Variants in SUPT3H observed in about 807,000 individuals in gnomAD.
SUPT3H encodes the protein SPT3 homolog, SAGA and STAGA complex component.
SUPT3H carries 44 observed loss-of-function variants against 44.3 expected under a neutral mutation model. That is an observed-to-expected ratio of 0.99 (90% confidence interval 0.78 to 1.28). The LOEUF is 1.28. Among genes scored for constraint, SUPT3H ranks in the 50% most tolerant of loss-of-function variants. The pLI is 0.00. For missense variants in SUPT3H, 380 were observed against 387.1 expected, an observed-to-expected ratio of 0.98 and a Z score of 0.15; for synonymous variants, 124 against 125.6, an observed-to-expected ratio of 0.99 and a Z score of 0.09.
intron 2 of SUPT3H, among the ~76,000 whole-genome samples, chr6:45,108,705 A>G (rs1799635169): frequency 6.6e-6 from 1 of 152,186 alleles, no homozygotes; most frequent in African/African-American, 2.4e-5. Flanking sequence ...GATAAAGTGA[A>G]TCTGCTAAGA....
intron 2 of SUPT3H, among the ~76,000 whole-genome samples, chr6:45,362,913 GAATAT>G (rs370754820): frequency 2.0e-5 from 3 of 152,084 alleles, no homozygotes; most frequent in African/African-American, 7.2e-5. Flanking sequence ...AATAACAAAA[GAATAT>G]AATACTCTAC....
intron 2 of SUPT3H, among the ~76,000 whole-genome samples, chr6:45,309,867 G>C (rs982235144): frequency 2.0e-5 from 3 of 152,150 alleles, no homozygotes; most frequent in South Asian, 4.2e-4. Context: ...GAAAAGGATG[G>C]GGAGAAAATG....
intron 2 of SUPT3H, among the ~76,000 whole-genome samples, chr6:45,151,052 G>C (rs958537383): frequency 6.6e-5 from 10 of 151,982 alleles, no homozygotes; most frequent in African/African-American, 2.4e-4. Context: ...CATTCAATGA[G>C]AGAAATAACC....
intron 10 of SUPT3H, among the ~76,000 whole-genome samples, chr6:44,885,635 C>A (rs1762132371): frequency 6.6e-6 from 1 of 152,034 alleles, no homozygotes; most frequent in Non-Finnish European, 1.5e-5. Context: ...TTATCAAAGA[C>A]CAAAAGAAGA....
rs554326156 is a variant in SUPT3H at position 45,198,700 on chromosome 6, A to G, written c.102-92694T>C. 3.3e-5 allele frequency among the ~76,000 whole-genome samples: 5 copies of G among 151,428 alleles called. No individual in the cohort carries two copies. In the East Asian group the frequency reaches 9.6e-4, roughly 29 times the overall value. Reference sequence around the variant, plus strand: ...GATCCAGGGTTATTTATAACAGGTAACATGAGTGGTTTTTGACTAAGCTGC... The same window carrying G: ...GATCCAGGGTTATTTATAACAGGTAGCATGAGTGGTTTTTGACTAAGCTGC... On this transcript the variant is annotated intron_variant, in intron 2 of 10. Coordinates refer to ENST00000371459, the MANE Select transcript of SUPT3H (RefSeq NM_003599.4).
chr6:44,880,332 T>C (rs1582169885), intron 10 of SUPT3H, among the ~76,000 whole-genome samples: 2 of 151,906 alleles, frequency 1.3e-5, no homozygotes, highest in Admixed American at 1.3e-4. Context: ...ATATCAGAGA[T>C]TGAAGATCAA....
At chr6:45,206,493 T>C (rs1199445027) in intron 2 of SUPT3H, among the ~76,000 whole-genome samples, 1 of 152,028 alleles carries the variant, frequency 6.6e-6, no homozygotes, top group Non-Finnish European at 1.5e-5. Context: ...AATATGTGAC[T>C]TTTACTCTGA....
chr6:44,891,305 T>A (rs774929395), intron 10 of SUPT3H, among the ~76,000 whole-genome samples: 1 of 152,138 alleles, frequency 6.6e-6, no homozygotes, highest in Non-Finnish European at 1.5e-5. Context: ...GGAACTCAGA[T>A]ACTGGTACAC....
At chr6:44,833,308 T>C (rs944231312) in intron 10 of SUPT3H, among the ~76,000 whole-genome samples, 3 of 152,180 alleles carry the variant, frequency 2.0e-5, no homozygotes, top group Non-Finnish European at 4.4e-5. Context: ...ATTTGCTTAA[T>C]ATGATTTCAG....
Position 45,039,857 on chromosome 6 carries a change from A to AAAT in SUPT3H, c.187-19226_187-19225insATT, listed in dbSNP as rs1554217897. On this transcript the variant is annotated intron_variant, in intron 3 of 10. Transcript: ENST00000371459. ...GACCTAATCACAGCAAAAAAAAAAA[A>AAAT]TTTTGCTAGATAAATAGGGTTTATC... Among the ~76,000 whole-genome samples the AAAT allele has an allele frequency of 7.0e-4, 106 of 151,328 alleles. 2 individuals carry two copies. In the East Asian group the frequency reaches 0.014, roughly 20 times the overall value.
intron 2 of SUPT3H, among the ~76,000 whole-genome samples, chr6:45,311,879 G>A (rs1430009131): frequency 6.6e-6 from 1 of 151,920 alleles, no homozygotes; most frequent in Non-Finnish European, 1.5e-5. Context: ...AAGCACACAC[G>A]ACCTATAAAA....
chr6:44,938,366 C>T (rs1771840554), intron 9 of SUPT3H, among the ~76,000 whole-genome samples: 1 of 152,078 alleles, frequency 6.6e-6, no homozygotes. Context: ...TTAACTTAGG[C>T]AAAGTTTAGT....
intron 2 of SUPT3H, among the ~76,000 whole-genome samples, chr6:45,291,163 T>G (rs1473168279): frequency 1.3e-5 from 2 of 152,240 alleles, no homozygotes; most frequent in African/African-American, 4.8e-5. Flanking sequence ...CAGAGCCTGG[T>G]AGACTTGCTG....
chr6:44,975,198 A>T (rs1212811400), intron 6 of SUPT3H, among the ~76,000 whole-genome samples: 1 of 102,114 alleles, frequency 9.8e-6, no homozygotes, highest in African/African-American at 3.3e-5. Context: ...AACAAAAAAG[A>T]CGACCAGTTT....
chr6:45,034,553 T>TA (rs1202094541), intron 3 of SUPT3H, among the ~76,000 whole-genome samples: 1 of 152,188 alleles, frequency 6.6e-6, no homozygotes, highest in Non-Finnish European at 1.5e-5. Context: ...TCAGACTATT[T>TA]AAAAACATAA....
intron 2 of SUPT3H, among the ~76,000 whole-genome samples, chr6:45,314,441 A>G (rs368976998): frequency 6.6e-6 from 1 of 152,222 alleles, no homozygotes; most frequent in East Asian, 1.9e-4. Context: ...AGAATTCAGT[A>G]AAGTTTCCGG....
chr6:45,181,309 G>A (rs1185938260), intron 2 of SUPT3H, among the ~76,000 whole-genome samples: 8 of 150,454 alleles, frequency 5.3e-5, no homozygotes, highest in Admixed American at 2.0e-4. Flanking sequence ...TCAGTGTGGC[G>A]ATTCCTCAGG....
At chr6:44,821,459 C>T (rs1458300470) in intron 11 of SUPT3H, among the ~76,000 whole-genome samples, 1 of 152,134 alleles carries the variant, frequency 6.6e-6, no homozygotes, top group Non-Finnish European at 1.5e-5. Context: ...CTACTACTAC[C>T]CCCCTCTCTG....
chr6:45,208,234 C>G (rs1763510961), intron 2 of SUPT3H, among the ~76,000 whole-genome samples: 1 of 152,150 alleles, frequency 6.6e-6, no homozygotes, highest in Non-Finnish European at 1.5e-5. Context: ...TAATTCTTCT[C>G]AATTCTATGA....
Sources: allele counts gnomAD v4.1 joint callset (sites outside exome capture counted in the v4.1 genomes callset), GRCh38; gene constraint gnomAD v4.1.1; transcripts MANE v1.5; gene names NCBI Gene and HGNC (gene_info 2026-07-23, HGNC 2026-07-21).